COL4A3: variants seen among roughly 807,000 people sequenced by gnomAD.
COL4A3 encodes collagen type IV alpha 3 chain.
In COL4A3, 135 loss-of-function variants were observed where a neutral mutation model predicts 217.4. The ratio of observed to expected loss-of-function variants is 0.62; its 90% CI spans 0.54 to 0.72. The LOEUF is 0.72. COL4A3 is among the 30% of genes least tolerant of loss of function. The pLI is 0.00. For synonymous variants in COL4A3, 690 were observed against 736.3 expected (o/e 0.94, Z 1.02); for missense variants, 1,868 against 2,119.9 (o/e 0.88, Z 2.33).
rs2073781753 is a variant in COL4A3, at chr2:227,312,587, T to G, written c.*717T>G. 1 of 152,546 alleles carries G rather than the reference T, an allele frequency of 6.6e-6. No individual in the cohort carries two copies. 9.4% of individuals were successfully genotyped at this position (152,546 alleles called of 1,614,324 possible). A position where few individuals can be genotyped will look rare whatever the true frequency, so the allele number is the denominator to read the frequency against. ...TTCATTTCACTGTAGCTCTAAAATCTGCTTGTATTCCAAGCATATAAAATT... is the reference window on the plus strand; with the variant it reads ...TTCATTTCACTGTAGCTCTAAAATCGGCTTGTATTCCAAGCATATAAAATT... On this transcript the variant is annotated 3_prime_UTR_variant, in exon 52 of 52. Transcript: ENST00000396578.
At chr2:227,267,455 C>T (rs1574738595) in intron 23 of COL4A3, among the ~76,000 whole-genome samples, 1 of 152,138 alleles carries the variant, frequency 6.6e-6, no homozygotes, top group Non-Finnish European at 1.5e-5. Flanking sequence ...AAGACACAAC[C>T]CTACTCAGTC....
chr2:227,247,212 A>C (rs2069401928), intron 7 of COL4A3, among the ~76,000 whole-genome samples: 1 of 152,224 alleles, frequency 6.6e-6, no homozygotes, highest in African/African-American at 2.4e-5. Context: ...ATGCTGCTGC[A>C]AAGTCCAGTC....
At chr2:227,190,147 A>G (rs972781031) in intron 1 of COL4A3, among the ~76,000 whole-genome samples, 3 of 152,242 alleles carry the variant, frequency 2.0e-5, no homozygotes, top group Admixed American at 6.5e-5. Context: ...GTCACTATTC[A>G]TAAATGAGTT....
chr2:227,189,808 C>T (rs2066163503), intron 1 of COL4A3, among the ~76,000 whole-genome samples: 2 of 152,102 alleles, frequency 1.3e-5, no homozygotes, highest in African/African-American at 4.8e-5. Flanking sequence ...CATCAAAGAC[C>T]AGGTTTCCTT....
chr2:227,168,504 AATTAG>A (rs2065357416), intron 1 of COL4A3, among the ~76,000 whole-genome samples: 1 of 152,200 alleles, frequency 6.6e-6, no homozygotes. Context: ...GTTGCTAATT[AATTAG>A]AAGTTATTTA....
chr2:227,243,979 A>G (rs1195338981), intron 3 of COL4A3, among the ~76,000 whole-genome samples: 1 of 152,218 alleles, frequency 6.6e-6, no homozygotes, highest in Non-Finnish European at 1.5e-5. Context: ...GTGCACAAGA[A>G]TCACTAAAGA....
At chr2:227,274,558 GCGC>G (rs2071444847) in intron 26 of COL4A3, among the ~76,000 whole-genome samples, 1 of 151,834 alleles carries the variant, frequency 6.6e-6, no homozygotes, top group East Asian at 1.9e-4. Context: ...GAGAGCAATG[GCGC>G]AATCTTGGCT....
chr2:227,288,005 G>A lies in COL4A3; in HGVS notation c.2882-1145G>A, dbSNP rs552465125. On this transcript the variant is annotated intron_variant, in intron 34 of 51. Transcript: ENST00000396578. The stretch of plus-strand genomic sequence containing the variant: ...GGGAAGTGAATCTGCTTGAGAAAAA[G>A]CACAAAGGCAGGCTATAGACAGATT... 2.6e-5 allele frequency among the ~76,000 whole-genome samples: 4 copies of A among 152,322 alleles called. No homozygotes were observed. The South Asian group carries it at 8.3e-4, about 32-fold the overall frequency.
intron 34 of COL4A3, among the ~76,000 whole-genome samples, chr2:227,286,409 C>T (rs992849365): frequency 1.3e-5 from 2 of 152,148 alleles, no homozygotes; most frequent in East Asian, 1.9e-4. Flanking sequence ...GCATGAGAAT[C>T]GCTTGAACCT....
intron 15 of COL4A3, among the ~76,000 whole-genome samples, chr2:227,255,383 A>G (rs1253365726): frequency 6.6e-6 from 1 of 152,230 alleles, no homozygotes; most frequent in Non-Finnish European, 1.5e-5. Context: ...AAAGATTTAA[A>G]TCCATATATT....
chr2:227,164,746 C>A lies in COL4A3; in HGVS notation c.20C>A (p.Pro7His). ...CCCACCATGAGCGCCCGGACCGCCC[C>A]CAGGCCGCAGGTGCTCCTGCTGCCG... MSARTA[P>H]RPQVLLLPLL... The change falls in exon 1 of 52, where the codon CCC (proline) becomes CAC (histidine). Residue 7 changes from proline to histidine, a missense_variant. Coordinates refer to ENST00000396578, the MANE Select transcript of COL4A3 (RefSeq NM_000091.5). The surrounding 1 kb of genome is among the most constrained non-coding windows in gnomAD (Gnocchi z 4.8). 1 of 1,528,206 alleles carries A rather than the reference C, an allele frequency of 6.5e-7. No individual in the cohort carries two copies. Among genetic ancestry groups the A allele is most frequent in the Non-Finnish European group, 8.7e-7 (1 of 1,144,392 alleles). The allele number at this position is 1,528,206 out of a possible 1,614,324, so 94.7% of individuals were successfully genotyped here. A position where few individuals can be genotyped will look rare whatever the true frequency, so the allele number is the denominator to read the frequency against.
At chr2:227,212,567 A>C (rs1198079341) in intron 1 of COL4A3, among the ~76,000 whole-genome samples, 1 of 152,200 alleles carries the variant, frequency 6.6e-6, no homozygotes, top group African/African-American at 2.4e-5. Context: ...AGGTTTCTAC[A>C]TATGGAGGAC....
Position 227,184,891 on chromosome 2 carries a change from C to CTTTT in COL4A3, c.87+20103_87+20106dup, listed in dbSNP as rs34345055. 1.4e-4 allele frequency among the ~76,000 whole-genome samples: 9 copies of CTTTT among 62,570 alleles called. 3 individuals are homozygous for CTTTT. The highest frequency in any genetic ancestry group is 1.3e-3 in the South Asian group (2 of 1,496). The allele number at this position is 62,570 out of a possible 152,430, so 41.0% of individuals were successfully genotyped here. ...TCCTTTGCATGGCTGCCTCACTGGC[C>CTTTT]TTTTTTTTTTTTTTTTTTTTTTTTT... On this transcript the variant is annotated intron_variant, in intron 1 of 51. Coordinates refer to ENST00000396578, the MANE Select transcript of COL4A3 (RefSeq NM_000091.5).
chr2:227,173,879 C>A (rs984891483), intron 1 of COL4A3, among the ~76,000 whole-genome samples: 9 of 152,112 alleles, frequency 5.9e-5, no homozygotes, highest in African/African-American at 2.2e-4. Flanking sequence ...TTCAAATGAG[C>A]CACATTTTCA....
At chr2:227,270,077 A>G (rs2071149801) in intron 24 of COL4A3, 97 bp downstream of exon 24, 4 of 914,488 alleles carry the variant, frequency 4.4e-6, no homozygotes, top group Non-Finnish European at 7.0e-6. Context: ...GTGCCTTGCA[A>G]ACAGTAGGCA....
intron 1 of COL4A3, among the ~76,000 whole-genome samples, chr2:227,212,131 ATGAC>A (rs1444700554): frequency 2.6e-5 from 4 of 151,728 alleles, no homozygotes; most frequent in African/African-American, 9.7e-5. Context: ...CTTCTGAAAA[ATGAC>A]TGCACGTATC....
chr2:227,225,709 C>CTTTTTT (rs71829862), intron 1 of COL4A3, among the ~76,000 whole-genome samples: 23 of 126,244 alleles, frequency 1.8e-4, no homozygotes, highest in East Asian at 4.5e-4. Flanking sequence ...CTTTTTCTTT[C>CTTTTTT]TTTTTTTTTT....
rs139380535 is a variant in COL4A3, at chr2:227,170,288, C to A, written c.87+5475C>A. Reference sequence around the variant, plus strand: ...TGAATAGTTTTTCTTCCTTTCTAATCTTTATGCCTTTTTTCCCTTGTATTA... The same window carrying A: ...TGAATAGTTTTTCTTCCTTTCTAATATTTATGCCTTTTTTCCCTTGTATTA... On this transcript the variant is annotated intron_variant, in intron 1 of 51. Coordinates refer to ENST00000396578, the MANE Select transcript of COL4A3 (RefSeq NM_000091.5). Among the ~76,000 whole-genome samples, 216 of 152,236 alleles carry A rather than the reference C, an allele frequency of 1.4e-3. 1 individual carries two copies. The highest frequency in any genetic ancestry group is 4.7e-3 in the African/African-American group (195 of 41,534).
Position 227,222,157 on chromosome 2 carries a change from AATAATAATGATAATGAT to A in COL4A3, c.88-15809_88-15793del, listed in dbSNP as rs1559839857. Among the ~76,000 whole-genome samples, 4 of 99,746 alleles carry A rather than the reference AATAATAATGATAATGAT, an allele frequency of 4.0e-5. No homozygotes were observed. The East Asian group carries it at 8.0e-4, about 20-fold the overall frequency. The allele number at this position is 99,746 out of a possible 152,430, so 65.4% of individuals were successfully genotyped here. Reference sequence around the variant, plus strand: ...TAATAATAATAATAATAATAATAATAATAATAATGATAATGATAATAAAAAGCTCCTTAAGCACCCTT... The same window carrying A: ...TAATAATAATAATAATAATAATAATAAATAAAAAGCTCCTTAAGCACCCTT... On this transcript the variant is annotated intron_variant, in intron 1 of 51. Coordinates refer to ENST00000396578, the MANE Select transcript of COL4A3 (RefSeq NM_000091.5).
Sources: gnomAD v4.1 joint callset for allele counts (sites outside exome capture counted in the v4.1 genomes callset) on GRCh38, gnomAD v4.1.1 for gene constraint, Gnocchi (gnomAD v3.1) non-coding constraint, MANE v1.5 for transcripts, NCBI Gene and HGNC (gene_info 2026-07-23, HGNC 2026-07-21) for gene names.